The following PRKCE variants were observed in gnomAD, a reference collection of about 807,000 sequenced individuals.
The protein encoded by PRKCE is protein kinase C epsilon type.
A neutral mutation model predicts 85.4 loss-of-function variants in PRKCE; 16 were observed. That is an observed-to-expected ratio of 0.19 (90% CI 0.13 to 0.28). The LOEUF is 0.28. PRKCE is among the 10% of genes least tolerant of loss of function. The pLI is 1.00. For missense variants in PRKCE, 573 were observed against 975.2 expected (o/e 0.59, Z 5.49); for synonymous variants, 388 against 371.5 (o/e 1.04, Z -0.51).
intron 2 of PRKCE, among the ~76,000 whole-genome samples, chr2:45,958,810 A>ATATATATATATATATC (rs1701169859): frequency 4.2e-5 from 1 of 24,006 alleles, no homozygotes; most frequent in Non-Finnish European, 6.9e-5. Flanking sequence ...ATATATATAT[A>ATATATATATATATATC]TATATATTTT....
intron 14 of PRKCE, among the ~76,000 whole-genome samples, chr2:46,183,066 G>A (rs1574694252): frequency 6.6e-6 from 1 of 152,196 alleles, no homozygotes; most frequent in Non-Finnish European, 1.5e-5. Flanking sequence ...CTGTTCTGAG[G>A]ATCAAATGAG....
chr2:45,776,350 G>C lies in PRKCE; in HGVS notation c.349-66650G>C, dbSNP rs564594180. Among the ~76,000 whole-genome samples the C allele has an allele frequency of 1.3e-3, 197 of 152,268 alleles. 1 individual carries two copies. Among genetic ancestry groups the C allele is most frequent in the African/African-American group, 4.3e-3 (180 of 41,532 alleles). On this transcript the variant is annotated intron_variant, in intron 1 of 14. Transcript: ENST00000306156. ...ATTACTTGAATCCCCTACGAGTTTC[G>C]GCTTTTCTGCTGGTACACACTCAGT... is the stretch of plus-strand genomic sequence containing the variant.
chr2:46,020,777 G>C (rs1706582913), intron 10 of PRKCE, among the ~76,000 whole-genome samples: 1 of 152,196 alleles, frequency 6.6e-6, no homozygotes, highest in South Asian at 2.1e-4. Flanking sequence ...GACTGGGAAG[G>C]AGAGATATGA....
rs138542125 is a variant in PRKCE, at chr2:45,747,639, G to T, written c.348+95191G>T. On this transcript the variant is annotated intron_variant, in intron 1 of 14. Transcript: ENST00000306156. ...GATGCTTGGACTGTTTTCCCCTTTT[G>T]GCTATTGAATAATGATGCAATGAAC... is the stretch of plus-strand genomic sequence containing the variant. Among the ~76,000 whole-genome samples the T allele has an allele frequency of 6.7e-3, 1,022 of 152,206 alleles. 19 individuals are homozygous for T. The highest frequency in any genetic ancestry group is 0.023 in the African/African-American group (965 of 41,514).
intron 1 of PRKCE, among the ~76,000 whole-genome samples, chr2:45,813,268 C>T (rs1688779790): frequency 6.6e-6 from 1 of 152,162 alleles, no homozygotes; most frequent in South Asian, 2.1e-4. Flanking sequence ...TGGCTTCATT[C>T]TGCGGGGACC....
chr2:46,089,295 T>C (rs1464148340), intron 11 of PRKCE, among the ~76,000 whole-genome samples: 1 of 152,188 alleles, frequency 6.6e-6, no homozygotes, highest in African/African-American at 2.4e-5. Flanking sequence ...TTCCTCTATA[T>C]CTAGCCCCCC....
chr2:45,798,225 A>T (rs540191676), intron 1 of PRKCE, among the ~76,000 whole-genome samples: 1 of 152,246 alleles, frequency 6.6e-6, no homozygotes, highest in Non-Finnish European at 1.5e-5. Flanking sequence ...AGATGGGAAA[A>T]ATAAAAAATA....
intron 10 of PRKCE, among the ~76,000 whole-genome samples, chr2:46,079,670 AGC>A (rs1668884693): frequency 1.3e-5 from 2 of 152,206 alleles, no homozygotes; most frequent in African/African-American, 4.8e-5. Flanking sequence ...TCGATGTAAG[AGC>A]TATAAAATCT....
chr2:45,876,338 A>G (rs1024994810), intron 2 of PRKCE, among the ~76,000 whole-genome samples: 1 of 152,198 alleles, frequency 6.6e-6, no homozygotes, highest in African/African-American at 2.4e-5. Flanking sequence ...TTTCCAAGTC[A>G]ACTCCAGCTT....
intron 1 of PRKCE, among the ~76,000 whole-genome samples, chr2:45,753,269 A>G (rs532668133): frequency 6.6e-6 from 1 of 152,248 alleles, no homozygotes; most frequent in Admixed American, 6.5e-5. Context: ...CTTGGGCAGT[A>G]CCTGGGCCTG....
chr2:45,757,820 C>A (rs4267552), intron 1 of PRKCE, among the ~76,000 whole-genome samples: 1 of 151,974 alleles, frequency 6.6e-6, no homozygotes, highest in Non-Finnish European at 1.5e-5. Flanking sequence ...ATAGCCTCAG[C>A]GTGCTTAGGA....
At chr2:46,089,084 C>T (rs969425268) in intron 11 of PRKCE, among the ~76,000 whole-genome samples, 5 of 152,176 alleles carry the variant, frequency 3.3e-5, no homozygotes, top group Non-Finnish European at 7.4e-5. Context: ...TTCTATGAGC[C>T]ATTCTCTTCT....
chr2:45,883,243 T>A (rs992194510), intron 2 of PRKCE, among the ~76,000 whole-genome samples: 5 of 152,188 alleles, frequency 3.3e-5, no homozygotes, highest in African/African-American at 1.2e-4. Flanking sequence ...TGGATTTGGA[T>A]TTTGTGGAGA....
intron 11 of PRKCE, among the ~76,000 whole-genome samples, chr2:46,104,644 G>A (rs770893555): frequency 6.6e-6 from 1 of 152,134 alleles, no homozygotes; most frequent in African/African-American, 2.4e-5. Context: ...AGACCACTTT[G>A]ACTTCTTTGA....
intron 1 of PRKCE, chr2:45,674,824 G>A (rs1231011675): frequency 6.6e-6 from 1 of 152,316 alleles, no homozygotes; most frequent in Non-Finnish European, 1.5e-5. Context: ...ACTCCTTTTG[G>A]TGTCCTTGAG....
chr2:46,174,017 G>A (rs1679175134), intron 14 of PRKCE, among the ~76,000 whole-genome samples: 1 of 152,238 alleles, frequency 6.6e-6, no homozygotes, highest in African/African-American at 2.4e-5. Flanking sequence ...TTCAGCTGTG[G>A]TTGATTGTTC....
intron 1 of PRKCE, among the ~76,000 whole-genome samples, chr2:45,810,441 C>G (rs74412863): frequency 0.025 from 3,838 of 152,130 alleles, 68 homozygotes; most frequent in Non-Finnish European, 0.042. Flanking sequence ...ATGAGGGAAC[C>G]AGTAAGATGT....
intron 11 of PRKCE, among the ~76,000 whole-genome samples, chr2:46,133,805 T>C (rs1019805581): frequency 2.0e-5 from 3 of 152,170 alleles, no homozygotes; most frequent in Non-Finnish European, 4.4e-5. Flanking sequence ...AAACCAATAA[T>C]GCTCAAGGCA....
At chr2:45,751,690 A>C (rs1315086113) in intron 1 of PRKCE, among the ~76,000 whole-genome samples, 1 of 152,200 alleles carries the variant, frequency 6.6e-6, no homozygotes, top group African/African-American at 2.4e-5. Flanking sequence ...TCGACTTTAA[A>C]AAATGACCCA....
Sources: gnomAD v4.1 joint callset for allele counts (sites outside exome capture counted in the v4.1 genomes callset) on GRCh38, gnomAD v4.1.1 for gene constraint, MANE v1.5 for transcripts, NCBI Gene and HGNC (gene_info 2026-07-23, HGNC 2026-07-21) for gene names.